The following LDLRAD4 variants were observed in gnomAD, a reference collection of about 807,000 sequenced individuals.
LDLRAD4 encodes low density lipoprotein receptor class A domain containing 4.
LDLRAD4 carries 5 observed loss-of-function variants against 17.0 expected under a neutral mutation model. The ratio of observed to expected loss-of-function variants is 0.29; its 90% CI spans 0.15 to 0.62. LDLRAD4 has a LOEUF of 0.62. LDLRAD4 is among the 20% of genes least tolerant of loss of function. LDLRAD4 has a pLI of 0.84. For missense variants in LDLRAD4, 340 were observed against 424.7 expected (o/e 0.80, Z 1.75); for synonymous variants, 168 against 171.8 (o/e 0.98, Z 0.17).
At chr18:13,432,941 T>C (rs2090436803) in intron 2 of LDLRAD4, among the ~76,000 whole-genome samples, 1 of 152,230 alleles carries the variant, frequency 6.6e-6, no homozygotes, top group African/African-American at 2.4e-5. Flanking sequence ...GGTCTTGAAC[T>C]CCTGGCCTCA....
chr18:13,442,620 G>A (rs541692613), intron 3 of LDLRAD4, among the ~76,000 whole-genome samples: 2 of 152,330 alleles, frequency 1.3e-5, no homozygotes, highest in Non-Finnish European at 2.9e-5. Context: ...GGCCGGCTGC[G>A]GGGAGCCTGA....
rs1555663261 is a variant in LDLRAD4 at position 13,370,715 on chromosome 18, T to TTTTTTTTTTTTTTTTTTTTTTTTTTG, written c.-382-16613_-382-16612insTTTTTTTTTTTTGTTTTTTTTTTTTT. Reference sequence around the variant, plus strand: ...TCTCTTTCATGGTTTTTTGTTTTGTTTTTTTTTTTTTTTGAGATGGATTCT... The same window carrying TTTTTTTTTTTTTTTTTTTTTTTTTTG: ...TCTCTTTCATGGTTTTTTGTTTTGTTTTTTTTTTTTTTTTTTTTTTTTTTTGTTTTTTTTTTTTTGAGATGGATTCT... On this transcript the variant is annotated intron_variant, in intron 1 of 5. Transcript: ENST00000359446. Among the ~76,000 whole-genome samples, 10 of 120,992 alleles carry TTTTTTTTTTTTTTTTTTTTTTTTTTG rather than the reference T, an allele frequency of 8.3e-5. 1 individual carries two copies. Among genetic ancestry groups the TTTTTTTTTTTTTTTTTTTTTTTTTTG allele is most frequent in the East Asian group, 2.8e-4 (1 of 3,628 alleles). 79.4% of individuals were successfully genotyped at this position (120,992 alleles called of 152,430 possible).
chr18:13,473,637 A>ATG, intron 3 of LDLRAD4, among the ~76,000 whole-genome samples: 1 of 14,656 alleles, frequency 6.8e-5, no homozygotes, highest in Non-Finnish European at 1.4e-4. Context: ...ATCCCATCTC[A>ATG]TATATATATA....
chr18:13,222,367 C>T (rs2041506209), intron 1 of LDLRAD4, among the ~76,000 whole-genome samples: 1 of 150,670 alleles, frequency 6.6e-6, no homozygotes, highest in African/African-American at 2.4e-5. Flanking sequence ...GAAAAGATGA[C>T]AACTATTTTT....
At chr18:13,469,614 C>T (rs2092714289) in intron 3 of LDLRAD4, among the ~76,000 whole-genome samples, 1 of 152,122 alleles carries the variant, frequency 6.6e-6, no homozygotes, top group Non-Finnish European at 1.5e-5. Flanking sequence ...AAGCCAGTGA[C>T]TAAAATATAA....
intron 3 of LDLRAD4, among the ~76,000 whole-genome samples, chr18:13,558,380 C>T (rs1035378404): frequency 4.6e-5 from 7 of 152,228 alleles, no homozygotes; most frequent in African/African-American, 1.7e-4. Context: ...TACCCGACTT[C>T]TCTGGCCAGC....
At chr18:13,475,636 C>T (rs2146852320) in intron 3 of LDLRAD4, among the ~76,000 whole-genome samples, 1 of 152,230 alleles carries the variant, frequency 6.6e-6, no homozygotes, top group African/African-American at 2.4e-5. Flanking sequence ...TGCACACGGA[C>T]TCCCATTACC....
chr18:13,636,640 C>T (rs991311022), intron 4 of LDLRAD4, among the ~76,000 whole-genome samples: 1 of 149,156 alleles, frequency 6.7e-6, no homozygotes, highest in South Asian at 2.1e-4. Context: ...GGATTGTAGG[C>T]GTGCACCACC....
intron 3 of LDLRAD4, among the ~76,000 whole-genome samples, chr18:13,442,293 G>A (rs1408311792): frequency 6.6e-6 from 1 of 152,142 alleles, no homozygotes; most frequent in Non-Finnish European, 1.5e-5. Context: ...ACTAAAAATG[G>A]GCCCAGGGAG....
At chr18:13,439,989 C>T (rs1193316982) in intron 3 of LDLRAD4, among the ~76,000 whole-genome samples, 2 of 152,236 alleles carry the variant, frequency 1.3e-5, no homozygotes, top group African/African-American at 2.4e-5. Context: ...AGGCGCTAAG[C>T]ACTCAAGATT....
At chr18:13,438,025 CT>C (rs1354389125) in intron 2 of LDLRAD4, among the ~76,000 whole-genome samples, 1 of 152,232 alleles carries the variant, frequency 6.6e-6, no homozygotes, top group Non-Finnish European at 1.5e-5. Context: ...CTCGGTGCCC[CT>C]GTGGAGTGCA....
At chr18:13,526,023 A>C (rs1272890494) in intron 3 of LDLRAD4, 1 of 152,196 alleles carries the variant, frequency 6.6e-6, no homozygotes, top group Admixed American at 6.5e-5. Flanking sequence ...TTGAAATCTC[A>C]TGGACTCAGT....
intron 1 of LDLRAD4, among the ~76,000 whole-genome samples, chr18:13,330,373 A>G (rs2081789935): frequency 6.6e-6 from 1 of 152,136 alleles, no homozygotes; most frequent in African/African-American, 2.4e-5. Context: ...ATCATAATAC[A>G]TTATACATTT....
chr18:13,376,090 G>T (rs1033407982), intron 1 of LDLRAD4, among the ~76,000 whole-genome samples: 1 of 152,118 alleles, frequency 6.6e-6, no homozygotes, highest in African/African-American at 2.4e-5. Context: ...CAGACTCTGG[G>T]AGGGAGGGTA....
intron 3 of LDLRAD4, among the ~76,000 whole-genome samples, chr18:13,511,567 T>C (rs1336618910): frequency 6.6e-6 from 1 of 152,216 alleles, no homozygotes; most frequent in African/African-American, 2.4e-5. Flanking sequence ...AAAATGGGCA[T>C]ATTCTTTGAA....
chr18:13,383,125 C>A (rs2145136158), intron 1 of LDLRAD4, among the ~76,000 whole-genome samples: 1 of 152,362 alleles, frequency 6.6e-6, no homozygotes, highest in Non-Finnish European at 1.5e-5. Context: ...TGCCCCTTGC[C>A]AGGCGCAGCT....
At chr18:13,428,222 A>G (rs965697858) in intron 2 of LDLRAD4, among the ~76,000 whole-genome samples, 3 of 152,110 alleles carry the variant, frequency 2.0e-5, no homozygotes, top group African/African-American at 7.2e-5. Flanking sequence ...AGGAGCCGGG[A>G]GTCTGGGAGG....
At chr18:13,291,829 T>C (rs1408376848) in intron 1 of LDLRAD4, among the ~76,000 whole-genome samples, 1 of 152,216 alleles carries the variant, frequency 6.6e-6, no homozygotes, top group Non-Finnish European at 1.5e-5. Flanking sequence ...TGCTTTTTTA[T>C]GCTTAAGATT....
rs140817652 is a variant in LDLRAD4, at chr18:13,637,923, A to G, written c.337-5436A>G. Among the ~76,000 whole-genome samples, 896 of 152,018 alleles carry G rather than the reference A, an allele frequency of 5.9e-3. 10 individuals are homozygous for G. Among genetic ancestry groups the G allele is most frequent in the South Asian group, 0.033 (158 of 4,810 alleles). On this transcript the variant is annotated intron_variant, in intron 4 of 5. Transcript: ENST00000359446. ...AGGTAATGGAAATTTATCCCCCTTTAACTGTGCATAACAACAGCAAGTAAC... is the reference window on the plus strand; with the variant it reads ...AGGTAATGGAAATTTATCCCCCTTTGACTGTGCATAACAACAGCAAGTAAC...
Sources: gnomAD v4.1 joint callset for allele counts (sites outside exome capture counted in the v4.1 genomes callset) on GRCh38, gnomAD v4.1.1 for gene constraint, MANE v1.5 for transcripts, NCBI Gene and HGNC (gene_info 2026-07-23, HGNC 2026-07-21) for gene names.